Variants in CDH12 observed in about 807,000 individuals in gnomAD.
CDH12 encodes the protein cadherin 12.
In CDH12, 41 loss-of-function variants were observed where a neutral mutation model predicts 74.1. The observed-to-expected ratio is 0.55, with a 90% CI of 0.43 to 0.72. The LOEUF is 0.72. CDH12 is among the 30% of genes least tolerant of loss of function. The pLI is 0.00. For missense variants in CDH12, 945 were observed against 977.2 expected, an observed-to-expected ratio of 0.97 and a Z score of 0.44; for synonymous variants, 399 against 355.0, an observed-to-expected ratio of 1.12 and a Z score of -1.39.
intron 1 of CDH12, among the ~76,000 whole-genome samples, chr5:22,692,484 G>A (rs1742134162): frequency 6.6e-6 from 1 of 151,886 alleles, no homozygotes; most frequent in South Asian, 2.1e-4. Context: ...CATGGTGAGC[G>A]GGAATGTTAG....
chr5:21,935,943 G>A (rs1489535205), intron 6 of CDH12, among the ~76,000 whole-genome samples: 1 of 152,044 alleles, frequency 6.6e-6, no homozygotes, highest in Non-Finnish European at 1.5e-5. Flanking sequence ...TTTTATGGCT[G>A]AATGGTATTC....
intron 6 of CDH12, among the ~76,000 whole-genome samples, chr5:21,914,848 A>G (rs1754016472): frequency 6.6e-6 from 1 of 152,232 alleles, no homozygotes; most frequent in African/African-American, 2.4e-5. Context: ...TTCTGACATG[A>G]AATTAATCAT....
chr5:22,106,778 A>G (rs1322875466), intron 4 of CDH12, among the ~76,000 whole-genome samples: 3 of 152,336 alleles, frequency 2.0e-5, no homozygotes, highest in African/African-American at 7.2e-5. Context: ...CCATCAAGTA[A>G]TAACTTGTGA....
chr5:22,262,477 G>C (rs1364948993), intron 3 of CDH12, among the ~76,000 whole-genome samples: 1 of 151,560 alleles, frequency 6.6e-6, no homozygotes, highest in Non-Finnish European at 1.5e-5. Context: ...AGTATTCCAT[G>C]GTGTATATGT....
chr5:22,500,555 G>A (rs1427525890), intron 2 of CDH12, among the ~76,000 whole-genome samples: 1 of 152,124 alleles, frequency 6.6e-6, no homozygotes, highest in Non-Finnish European at 1.5e-5. Flanking sequence ...AATTTGATAT[G>A]GAAAGGGCCT....
intron 3 of CDH12, among the ~76,000 whole-genome samples, chr5:22,400,526 G>T (rs1450819767): frequency 6.6e-6 from 1 of 151,876 alleles, no homozygotes; most frequent in Admixed American, 6.6e-5. Flanking sequence ...GAACCCCTGT[G>T]CTCAAGCGAT....
rs370204735 is a variant in CDH12 at position 21,750,726 on chromosome 5, A to C, written c.*1011T>G. ...ATTGTAAGAAACTCTGAGAAACTGT[A>C]TAATGAATTTCTCTTTCCATGCTTA... is the stretch of plus-strand genomic sequence containing the variant. On this transcript the variant is annotated 3_prime_UTR_variant, in exon 15 of 15. Transcript: ENST00000382254. 6.6e-6 allele frequency: 1 copy of C among 152,164 alleles called. No individual in the cohort carries two copies. Among genetic ancestry groups the C allele is most frequent in the Non-Finnish European group, 1.5e-5 (1 of 68,018 alleles). The allele number at this position is 152,164 out of a possible 1,614,324, so 9.4% of individuals were successfully genotyped here. A position where few individuals can be genotyped will look rare whatever the true frequency, so the allele number is the denominator to read the frequency against.
intron 1 of CDH12, among the ~76,000 whole-genome samples, chr5:22,588,360 A>G (rs965686560): frequency 1.1e-4 from 16 of 152,166 alleles, no homozygotes; most frequent in African/African-American, 3.6e-4. Flanking sequence ...TTTTATGTTA[A>G]ACATGAATAG....
chr5:22,720,537 G>A (rs1743828010), intron 1 of CDH12, among the ~76,000 whole-genome samples: 1 of 152,146 alleles, frequency 6.6e-6, no homozygotes, highest in Admixed American at 6.5e-5. Flanking sequence ...AACCTGAAAT[G>A]TGGAAGTGAG....
intron 2 of CDH12, among the ~76,000 whole-genome samples, chr5:22,411,016 C>A (rs575093185): frequency 6.6e-6 from 1 of 151,828 alleles, no homozygotes; most frequent in East Asian, 1.9e-4. Flanking sequence ...GGAAAAAGAA[C>A]ATAATTTTGG....
At chr5:22,094,253 T>C (rs1039174027) in intron 4 of CDH12, among the ~76,000 whole-genome samples, 3 of 152,166 alleles carry the variant, frequency 2.0e-5, no homozygotes, top group African/African-American at 7.2e-5. Flanking sequence ...TTTTCTAGAC[T>C]AAGCCTTGGA....
chr5:22,734,907 A>T (rs1028601837), intron 1 of CDH12, among the ~76,000 whole-genome samples: 1 of 152,002 alleles, frequency 6.6e-6, no homozygotes, highest in African/African-American at 2.4e-5. Flanking sequence ...ATGAGTGCAG[A>T]TAAGTGTTCT....
chr5:22,377,207 T>G (rs1741566401), intron 3 of CDH12, among the ~76,000 whole-genome samples: 1 of 152,200 alleles, frequency 6.6e-6, no homozygotes, highest in Non-Finnish European at 1.5e-5. Flanking sequence ...AATCCTACAG[T>G]TCTTCCATCC....
chr5:22,050,244 C>T (rs576465764), intron 5 of CDH12, among the ~76,000 whole-genome samples: 1 of 152,174 alleles, frequency 6.6e-6, no homozygotes, highest in African/African-American at 2.4e-5. Context: ...TTTGTCTGAA[C>T]TCTCCTTCCC....
At chr5:21,990,975 C>A (rs1184756058) in intron 5 of CDH12, among the ~76,000 whole-genome samples, 9 of 148,132 alleles carry the variant, frequency 6.1e-5, no homozygotes, top group East Asian at 2.0e-4. Context: ...GAGAAAAAAA[C>A]CAAAAAAGCT....
At chr5:21,779,245 T>A (rs1427652842) in intron 11 of CDH12, 1 of 152,166 alleles carries the variant, frequency 6.6e-6, no homozygotes, top group Non-Finnish European at 1.5e-5. Context: ...TTTGTTTTTC[T>A]TTTTTGAGAC....
At chr5:22,280,672 G>A (rs1736838891) in intron 3 of CDH12, among the ~76,000 whole-genome samples, 1 of 152,088 alleles carries the variant, frequency 6.6e-6, no homozygotes, top group Non-Finnish European at 1.5e-5. Context: ...GACTAAACCA[G>A]GAAGAAGTTG....
intron 3 of CDH12, among the ~76,000 whole-genome samples, chr5:22,231,363 T>C (rs995802466): frequency 6.6e-6 from 1 of 151,978 alleles, no homozygotes; most frequent in Admixed American, 6.6e-5. Context: ...AGAATAACTA[T>C]GGTTTTCTTA....
chr5:22,592,635 C>T (rs1736392847), intron 1 of CDH12, among the ~76,000 whole-genome samples: 1 of 152,024 alleles, frequency 6.6e-6, no homozygotes, highest in Non-Finnish European at 1.5e-5. Context: ...ATGAAAAAGA[C>T]AATTCACCTT....
Sources: allele counts gnomAD v4.1 joint callset (sites outside exome capture counted in the v4.1 genomes callset), GRCh38; gene constraint gnomAD v4.1.1; transcripts MANE v1.5; gene names NCBI Gene and HGNC (gene_info 2026-07-23, HGNC 2026-07-21).